The following PHYHIP variants were observed in gnomAD, a reference collection of about 807,000 sequenced individuals.
PHYHIP encodes the protein phytanoyl-CoA 2-hydroxylase interacting protein.
PHYHIP carries 7 observed loss-of-function variants against 26.1 expected under a neutral mutation model. The observed-to-expected ratio is 0.27, with a 90% CI of 0.15 to 0.50. The LOEUF (loss-of-function observed/expected upper bound fraction) is 0.50, where lower values mean the gene tolerates loss of function less well. PHYHIP is among the 20% of genes least tolerant of loss of function. PHYHIP has a pLI of 0.98. For synonymous variants in PHYHIP, 206 were observed against 183.4 expected, an observed-to-expected ratio of 1.12 and a Z score of -1.00; for missense variants, 232 against 454.7, an observed-to-expected ratio of 0.51 and a Z score of 4.45.
At chr8:22,229,556 G>A (rs1273100239) in intron 1 of PHYHIP, among the ~76,000 whole-genome samples, 1 of 152,178 alleles carries the variant, frequency 6.6e-6, no homozygotes, top group Non-Finnish European at 1.5e-5. Context: ...GCTCCGGGAT[G>A]GGGAAGAGCA....
At chr8:22,225,775 AGCCAGGAG>A (rs1246504067) in intron 3 of PHYHIP, among the ~76,000 whole-genome samples, 2 of 151,234 alleles carry the variant, frequency 1.3e-5, no homozygotes, top group African/African-American at 4.9e-5. Context: ...ACTGCACTCC[AGCCAGGAG>A]GCGACAAGAG....
At position 22,221,128 on chromosome 8, in the gene PHYHIP, T is replaced by A; in HGVS notation, c.*225A>T. On this transcript the variant is annotated 3_prime_UTR_variant, in exon 5 of 5. Transcript: ENST00000454243. The surrounding 1 kb of genome is among the most constrained non-coding windows in gnomAD (Gnocchi z 7.9). ...CCAGAAGTCCAGCCCAGCTGCCAAC[T>A]ACAGAGGCTGAGAAGCCTTTCCATG... 1 of 494,816 alleles carries A rather than the reference T, an allele frequency of 2.0e-6. No homozygotes were observed. Among genetic ancestry groups the A allele is most frequent in the Non-Finnish European group, 3.6e-6 (1 of 279,616 alleles). The allele number at this position is 494,816 out of a possible 1,614,324, so 30.7% of individuals were successfully genotyped here. A position where few individuals can be genotyped will look rare whatever the true frequency, so the allele number is the denominator to read the frequency against.
intron 4 of PHYHIP, among the ~76,000 whole-genome samples, chr8:22,222,370 G>A (rs778578241): frequency 7.9e-5 from 12 of 152,138 alleles, no homozygotes; most frequent in African/African-American, 2.4e-4. Context: ...TCAGTCAAGC[G>A]TCTGCTCCCC....
At chr8:22,223,129 G>A (rs952863787) in intron 4 of PHYHIP, among the ~76,000 whole-genome samples, 3 of 152,022 alleles carry the variant, frequency 2.0e-5, no homozygotes, top group Admixed American at 6.6e-5. Context: ...TTGGGAGGCC[G>A]AGGTGGGCGG....
At chr8:22,223,908 G>A (rs1007123013) in intron 4 of PHYHIP, 12 of 247,994 alleles carry the variant, frequency 4.8e-5, no homozygotes, top group East Asian at 9.8e-5. Context: ...GGCCTGAATC[G>A]GAGAGACCTG....
At chr8:22,226,508 C>T (rs1262143758) in intron 3 of PHYHIP, among the ~76,000 whole-genome samples, 15 of 152,080 alleles carry the variant, frequency 9.9e-5, no homozygotes, top group Admixed American at 7.2e-4. Context: ...TCAAAATGGT[C>T]GAGACGGCAA....
chr8:22,230,907 G>T (rs530683371), intron 1 of PHYHIP, among the ~76,000 whole-genome samples: 2 of 151,908 alleles, frequency 1.3e-5, no homozygotes, highest in Non-Finnish European at 2.9e-5. Context: ...GATGCCACAG[G>T]CACCAACATG....
chr8:22,228,054 T>G, intron 2 of PHYHIP, 139 bp downstream of exon 2: 1 of 723,216 alleles, frequency 1.4e-6, no homozygotes, highest in Non-Finnish European at 2.4e-6. Flanking sequence ...GTCAAGTAAC[T>G]TTCCCAAAAT....
Position 22,221,998 on chromosome 8 carries a change from C to G in PHYHIP, c.459-111G>C. On this transcript the variant is annotated intron_variant, in intron 4 of 4. Coordinates refer to ENST00000454243, the MANE Select transcript of PHYHIP (RefSeq NM_014759.5). The surrounding 1 kb of genome is among the most constrained non-coding windows in gnomAD (Gnocchi z 7.9). ...GGAGGGAGGAAGCCAGCCCAGCTCC[C>G]AGCCCTCCCCCAGCCGCCTCCACTA... The G allele has an allele frequency of 1.1e-6, 1 of 884,242 alleles. No homozygotes were observed. Among genetic ancestry groups the G allele is most frequent in the Middle Eastern group, 3.5e-4 (1 of 2,860 alleles). 54.8% of individuals were successfully genotyped at this position (884,242 alleles called of 1,614,324 possible).
chr8:22,224,332 C>G lies in PHYHIP; in HGVS notation c.352G>C (p.Glu118Gln). Residue 118 changes from glutamate to glutamine, a missense_variant, in exon 4 of 5, where the codon GAG (glutamate) becomes CAG (glutamine). By Grantham distance (29) the Glu-to-Gln change is conservative (BLOSUM62 2). Coordinates refer to ENST00000454243, the MANE Select transcript of PHYHIP (RefSeq NM_014759.5). ...TTCTCCTGAAGCTGAGCCAGGTGCT[C>G]CTTGGCATAATCTGCAAGATCCCAG... ...VEFCTGDYAK[E>Q]HLAQLQEKAE... The G allele has an allele frequency of 6.2e-7, 1 of 1,603,316 alleles. No individual in the cohort carries two copies. The highest frequency in any genetic ancestry group is 1.3e-5 in the African/African-American group (1 of 74,850).
intron 4 of PHYHIP, chr8:22,223,745 C>A (rs1489745815): frequency 1.3e-5 from 2 of 154,090 alleles, no homozygotes; most frequent in Non-Finnish European, 2.9e-5. Flanking sequence ...TCTGGTCCCC[C>A]CAACCCCATG....
At chr8:22,229,629 G>A (rs1169660424) in intron 1 of PHYHIP, among the ~76,000 whole-genome samples, 2 of 152,088 alleles carry the variant, frequency 1.3e-5, no homozygotes, top group African/African-American at 4.8e-5. Flanking sequence ...ATTCTCCAGG[G>A]GCATTTGGTC....
Position 22,227,045 on chromosome 8 carries a change from C to T in PHYHIP, c.166-20G>A. ...GACGTCCTGAGAAACAGGGTACAAA[C>T]AGAGAGCCAGGCGTCAAACAGGGGT... On this transcript the variant is annotated intron_variant, in intron 2 of 4. Coordinates refer to ENST00000454243, the MANE Select transcript of PHYHIP (RefSeq NM_014759.5). The T allele has an allele frequency of 6.3e-7, 1 of 1,594,894 alleles. No individual in the cohort carries two copies. The highest frequency in any genetic ancestry group is 2.2e-5 in the East Asian group (1 of 44,574).
intron 1 of PHYHIP, among the ~76,000 whole-genome samples, chr8:22,229,409 T>C (rs1480274879): frequency 1.3e-5 from 2 of 152,182 alleles, no homozygotes; most frequent in African/African-American, 2.4e-5. Flanking sequence ...TTCTCTCCCC[T>C]CCCTGTCTTA....
Position 22,226,960 on chromosome 8 carries a change from G to A in PHYHIP, c.231C>T (p.Phe77=). 6.2e-7 allele frequency: 1 copy of A among 1,613,998 alleles called. No homozygotes were observed. The highest frequency in any genetic ancestry group is 1.6e-4 in the Middle Eastern group (1 of 6,062). Residue 77 remains phenylalanine, a synonymous_variant, in exon 3 of 5, where the codon TTC becomes TTT. Transcript: ENST00000454243. ...CACTGTACTCCGTGCGGGGGCTCAG[G>A]AACCAGTGGCCTCTCACCGTCATGG... ...PLPMTVRGHW[F]LSPRTEYSVA... is the part of the protein sequence containing the mutation.
intron 4 of PHYHIP, 137 bp downstream of exon 4, chr8:22,224,089 C>T (rs1442465859): frequency 2.1e-5 from 14 of 673,302 alleles, no homozygotes; most frequent in African/African-American, 5.3e-5. Context: ...AGCCTGGTGA[C>T]GTCAGGACAT....
chr8:22,227,086 G>A, intron 2 of PHYHIP, 61 bp from the exon 3 acceptor site: 1 of 1,459,740 alleles, frequency 6.9e-7, no homozygotes, highest in South Asian at 1.3e-5. Context: ...CCCAATCTGG[G>A]CATCACCCCA....
chr8:22,230,337 G>A (rs1399731420), intron 1 of PHYHIP, among the ~76,000 whole-genome samples: 1 of 151,994 alleles, frequency 6.6e-6, no homozygotes, highest in African/African-American at 2.4e-5. Context: ...CCTCTCCTTG[G>A]AGTCCTCCTA....
rs781182155 is a variant in PHYHIP, at chr8:22,221,333, C to T, written c.*20G>A. 6 of 1,537,632 alleles carry T rather than the reference C, an allele frequency of 3.9e-6. No individual in the cohort carries two copies. Among genetic ancestry groups the T allele is most frequent in the African/African-American group, 1.4e-5 (1 of 72,684 alleles). ...ACCTTCCGCTCATCTCTCCCTCGCC[C>T]CCCAGCTCCCCAGGAGTCCCTAGCG... On this transcript the variant is annotated 3_prime_UTR_variant, in exon 5 of 5. Coordinates refer to ENST00000454243, the MANE Select transcript of PHYHIP (RefSeq NM_014759.5). The surrounding 1 kb of genome is among the most constrained non-coding windows in gnomAD (Gnocchi z 7.9).
Sources: allele counts gnomAD v4.1 joint callset (sites outside exome capture counted in the v4.1 genomes callset), GRCh38; gene constraint gnomAD v4.1.1; non-coding constraint Gnocchi (gnomAD v3.1); transcripts MANE v1.5; gene names NCBI Gene and HGNC (gene_info 2026-07-23, HGNC 2026-07-21).